The following NBPF11 variants were observed in gnomAD, a reference collection of about 807,000 sequenced individuals.
NBPF11 encodes NBPF family member NBPF11.
NBPF11 carries 72 observed loss-of-function variants against 93.9 expected under a neutral mutation model. The ratio of observed to expected loss-of-function variants is 0.77; its 90% CI spans 0.63 to 0.93. The LOEUF is 0.93. Ranked by LOEUF, NBPF11 falls within the 40% of genes least tolerant of loss-of-function variation. The probability of loss-of-function intolerance (pLI) is 0.00; values close to 1 mark genes in which losing one functional copy is unlikely to be tolerated. For synonymous variants in NBPF11, 224 were observed against 304.9 expected, an observed-to-expected ratio of 0.73 and a Z score of 2.76; for missense variants, 705 against 802.2, an observed-to-expected ratio of 0.88 and a Z score of 1.46.
intron 2 of NBPF11, among the ~76,000 whole-genome samples, chr1:148,138,498 C>T (rs1299950042): frequency 2.6e-5 from 4 of 151,830 alleles, no homozygotes; most frequent in East Asian, 1.9e-4. Context: ...GGCAGAGGTC[C>T]CTGCAGTCTT....
chr1:148,145,472 A>T (rs1317802956), intron 1 of NBPF11, among the ~76,000 whole-genome samples: 1 of 143,462 alleles, frequency 7.0e-6, no homozygotes, highest in Non-Finnish European at 1.5e-5. Context: ...GGCCTCCCAC[A>T]GTGCTGGGAT....
Position 148,133,360 on chromosome 1 carries a change from T to A in NBPF11, c.-36+2312A>T, listed in dbSNP as rs1293165771. Among the ~76,000 whole-genome samples, 42 of 152,074 alleles carry A rather than the reference T, an allele frequency of 2.8e-4. 4 individuals are homozygous for A. The highest frequency in any genetic ancestry group is 1.0e-3 in the African/African-American group (42 of 41,296). ...TTAGAGCTCTAGTATAATGCTGAAT[T>A]AAAAGAGTAACAGCAGGTATTCTAC... On this transcript the variant is annotated intron_variant, in intron 4 of 23. Coordinates refer to ENST00000682118, the MANE Select transcript of NBPF11 (RefSeq NM_001385469.3).
chr1:148,107,374 G>C (rs1456969968), intron 19 of NBPF11, among the ~76,000 whole-genome samples: 6 of 150,930 alleles, frequency 4.0e-5, no homozygotes, highest in Non-Finnish European at 8.9e-5. Flanking sequence ...ACTGATGAAG[G>C]GGTCAAAGGA....
chr1:148,111,685 G>A lies in NBPF11; in HGVS notation c.1638-1144C>T, dbSNP rs1293295494. Among the ~76,000 whole-genome samples the A allele has an allele frequency of 7.9e-5, 12 of 151,710 alleles. No individual in the cohort carries two copies. In the East Asian group the frequency reaches 9.7e-4, roughly 12 times the overall value. On this transcript the variant is annotated intron_variant, in intron 15 of 23. Transcript: ENST00000682118. ...CAAGATCAAATTAGTGAAATGAAGC[G>A]AGAAGAGAAATTTAGAGAAAAAAGA...
In NBPF11 at chr1:148,123,889, T is replaced by C. The variant is rs1668473345; in HGVS notation, c.457A>G (p.Arg153Gly). ...DLQEQLAEGC[R>G]LAQHLVQKLS... Reference sequence around the variant, plus strand: ...TTTTGGACAAGGTGCTGTGCCAGTCTACACCCCTCAGCCAGCTGTTCTTGG... The same window carrying C: ...TTTTGGACAAGGTGCTGTGCCAGTCCACACCCCTCAGCCAGCTGTTCTTGG... Residue 153 changes from arginine to glycine, a missense_variant, in exon 7 of 24, where the codon AGA becomes GGA. By Grantham distance (125) the Arg-to-Gly change is moderately radical. Coordinates refer to ENST00000682118, the MANE Select transcript of NBPF11 (RefSeq NM_001385469.3). 3 of 1,606,868 alleles carry C rather than the reference T, an allele frequency of 1.9e-6. No homozygotes were observed. Among genetic ancestry groups the C allele is most frequent in the Non-Finnish European group, 2.6e-6 (3 of 1,176,074 alleles).
intron 16 of NBPF11, among the ~76,000 whole-genome samples, 173 bp downstream of exon 16, chr1:148,110,205 C>T (rs1420726647): frequency 6.6e-6 from 1 of 151,812 alleles, no homozygotes; most frequent in African/African-American, 2.4e-5. Context: ...CTGACCCACC[C>T]CATGCCTGTG....
At chr1:148,130,745 A>T (rs1422584397) in intron 4 of NBPF11, among the ~76,000 whole-genome samples, 31 of 151,960 alleles carry the variant, frequency 2.0e-4, no homozygotes, top group African/African-American at 7.5e-4. Context: ...TGCCACAACC[A>T]AGATAGAGGA....
rs2149323005 is a variant in NBPF11, at chr1:148,151,795, C to G, written c.-594G>C. 1 of 152,350 alleles carries G rather than the reference C, an allele frequency of 6.6e-6. No individual in the cohort carries two copies. The highest frequency in any genetic ancestry group is 2.1e-4 in the South Asian group (1 of 4,832). The allele number at this position is 152,350 out of a possible 1,614,324, so 9.4% of individuals were successfully genotyped here. On this transcript the variant is annotated 5_prime_UTR_variant, in exon 1 of 24. Coordinates refer to ENST00000682118, the MANE Select transcript of NBPF11 (RefSeq NM_001385469.3). ...TTCGCAGTAAACTTGAACTTCCCATCCAGGCTGCAGCCGTGCCGCCGTACC... is the reference window on the plus strand; with the variant it reads ...TTCGCAGTAAACTTGAACTTCCCATGCAGGCTGCAGCCGTGCCGCCGTACC...
rs1264569160 is a variant in NBPF11 at position 148,145,423 on chromosome 1, G to A, written c.-548-1737C>T. Among the ~76,000 whole-genome samples, 4 of 139,642 alleles carry A rather than the reference G, an allele frequency of 2.9e-5. No individual in the cohort carries two copies. The South Asian group carries it at 7.3e-4, about 25-fold the overall frequency. 91.6% of individuals were successfully genotyped at this position (139,642 alleles called of 152,430 possible). ...GACGGGGTTTCACCATGTTGGCCAG[G>A]CTGGTTTCATACTCCTGACCTCGTG... On this transcript the variant is annotated intron_variant, in intron 1 of 23. Transcript: ENST00000682118.
At chr1:148,135,928 G>T in intron 3 of NBPF11, 115 bp from the exon 4 acceptor site, 1 of 730,284 alleles carries the variant, frequency 1.4e-6, no homozygotes, top group Non-Finnish European at 2.4e-6. Flanking sequence ...CCTGAGAGAA[G>T]CTCATACTGG....
intron 1 of NBPF11, among the ~76,000 whole-genome samples, chr1:148,147,958 T>A (rs1673464104): frequency 6.6e-6 from 1 of 151,920 alleles, no homozygotes; most frequent in Non-Finnish European, 1.5e-5. Flanking sequence ...CCCAGAGCCA[T>A]GAGGGGGAGG....
At chr1:148,127,350 T>A in intron 4 of NBPF11, 2 of 96,098 alleles carry the variant, frequency 2.1e-5, no homozygotes, top group Non-Finnish European at 1.7e-5. Flanking sequence ...AGCCCTGCAT[T>A]CCAATTGCCC....
intron 5 of NBPF11, among the ~76,000 whole-genome samples, chr1:148,125,570 T>C (rs1313937796): frequency 6.6e-6 from 1 of 152,054 alleles, no homozygotes; most frequent in Non-Finnish European, 1.5e-5. Flanking sequence ...AAATACTTTA[T>C]TAGTATGAGA....
At chr1:148,104,280 A>C (rs1285731928) in intron 23 of NBPF11, among the ~76,000 whole-genome samples, 1 of 145,208 alleles carries the variant, frequency 6.9e-6, no homozygotes, top group Non-Finnish European at 1.5e-5. Context: ...TTTTCCATAA[A>C]ATATGCTCAA....
chr1:148,146,456 G>T lies in NBPF11; in HGVS notation c.-548-2770C>A, dbSNP rs1462380334. On this transcript the variant is annotated intron_variant, in intron 1 of 23. Transcript: ENST00000682118. ...TTCTGCTGCCCTCCCTGCCCCGGCCGCATCGCTGCCAAGCTCGCCTTCCTG... is the reference window on the plus strand; with the variant it reads ...TTCTGCTGCCCTCCCTGCCCCGGCCTCATCGCTGCCAAGCTCGCCTTCCTG... 3.1e-6 allele frequency: 5 copies of T among 1,604,380 alleles called. No individual in the cohort carries two copies. The East Asian group carries it at 1.1e-4, about 36-fold the overall frequency.
At chr1:148,104,050 C>G (rs1662931688) in intron 23 of NBPF11, 138 bp from the exon 24 acceptor site, 5 of 1,567,858 alleles carry the variant, frequency 3.2e-6, no homozygotes, top group Non-Finnish European at 4.4e-6. Flanking sequence ...CAAATTATTG[C>G]CTTTATGTTG....
intron 11 of NBPF11, among the ~76,000 whole-genome samples, 192 bp from the exon 12 acceptor site, chr1:148,117,978 G>C (rs1292196731): frequency 1.3e-5 from 2 of 151,510 alleles, no homozygotes; most frequent in East Asian, 3.9e-4. Context: ...GTATCAGAGA[G>C]GGCTCCTGCA....
At chr1:148,137,215 T>C (rs1398380534) in intron 3 of NBPF11, among the ~76,000 whole-genome samples, 3 of 151,800 alleles carry the variant, frequency 2.0e-5, no homozygotes, top group Admixed American at 2.0e-4. Context: ...GTGTGGCTGG[T>C]TGGAGAAGAT....
intron 1 of NBPF11, chr1:148,146,380 C>A: frequency 6.4e-7 from 1 of 1,569,578 alleles, no homozygotes; most frequent in Non-Finnish European, 8.6e-7. Flanking sequence ...AGGCCCGGCC[C>A]GGGCGGCGCC....
Sources: allele counts gnomAD v4.1 joint callset (sites outside exome capture counted in the v4.1 genomes callset), GRCh38; gene constraint gnomAD v4.1.1; transcripts MANE v1.5; gene names NCBI Gene and HGNC (gene_info 2026-07-23, HGNC 2026-07-21).